The following STAU2 variants were observed in gnomAD, a reference collection of about 807,000 sequenced individuals.
STAU2 encodes the protein staufen double-stranded RNA binding protein 2, also known as double-stranded RNA-binding protein Staufen homolog 2.
A neutral mutation model predicts 65.9 loss-of-function variants in STAU2; 20 were observed. That is an observed-to-expected ratio of 0.30 (90% confidence interval 0.21 to 0.44). The LOEUF is 0.44. Among genes scored for constraint, STAU2 ranks in the 20% least tolerant of loss-of-function variants. STAU2 has a pLI of 1.00. For missense variants in STAU2, 558 were observed against 683.9 expected (o/e 0.82, Z 2.05); for synonymous variants, 232 against 233.9 (o/e 0.99, Z 0.07).
At chr8:73,645,981 T>C (rs1815344524) in intron 6 of STAU2, among the ~76,000 whole-genome samples, 1 of 152,152 alleles carries the variant, frequency 6.6e-6, no homozygotes, top group Non-Finnish European at 1.5e-5. Context: ...CAATTGAATA[T>C]GAGATTTGTG....
intron 13 of STAU2, among the ~76,000 whole-genome samples, chr8:73,480,580 A>G (rs753385980): frequency 1.3e-5 from 2 of 152,170 alleles, no homozygotes; most frequent in Non-Finnish European, 2.9e-5. Flanking sequence ...CCAAAAGTGG[A>G]CATGTCAAAT....
At chr8:73,528,888 C>A (rs1353875674) in intron 13 of STAU2, among the ~76,000 whole-genome samples, 2 of 151,968 alleles carry the variant, frequency 1.3e-5, no homozygotes, top group Non-Finnish European at 2.9e-5. Context: ...TTTATTTAAT[C>A]ATGTATAATA....
chr8:73,595,056 C>T, intron 11 of STAU2, 110 bp downstream of exon 11: 2 of 908,028 alleles, frequency 2.2e-6, no homozygotes, highest in South Asian at 2.3e-5. Context: ...TTTGTATTGC[C>T]TCAGAAAAGT....
At chr8:73,669,253 C>T in intron 6 of STAU2, 1 of 566,506 alleles carries the variant, frequency 1.8e-6, no homozygotes, top group Non-Finnish European at 3.1e-6. Flanking sequence ...ATTCTTTTTA[C>T]CTTTTTGTGA....
chr8:73,508,765 A>G (rs1289183244), intron 13 of STAU2, among the ~76,000 whole-genome samples: 1 of 152,158 alleles, frequency 6.6e-6, no homozygotes, highest in Admixed American at 6.5e-5. Flanking sequence ...TCTCATGTCT[A>G]TTTTTCATAT....
chr8:73,537,538 C>T (rs557702741), intron 13 of STAU2, among the ~76,000 whole-genome samples: 32 of 152,274 alleles, frequency 2.1e-4, no homozygotes, highest in African/African-American at 7.7e-4. Flanking sequence ...ACAGAAACCA[C>T]GGATGCCAGA....
chr8:73,430,705 T>C (rs1468208137), intron 13 of STAU2, among the ~76,000 whole-genome samples: 1 of 152,248 alleles, frequency 6.6e-6, no homozygotes, highest in East Asian at 1.9e-4. Context: ...AAAAATGTTT[T>C]ACTACATACC....
intron 6 of STAU2, among the ~76,000 whole-genome samples, chr8:73,641,370 C>CA (rs1323157309): frequency 7.0e-4 from 93 of 133,530 alleles, no homozygotes; most frequent in African/African-American, 1.3e-3. Flanking sequence ...CCTACCCTTG[C>CA]AAAAAAAAAA....
intron 3 of STAU2, among the ~76,000 whole-genome samples, chr8:73,737,120 G>A (rs1181045186): frequency 2.6e-5 from 4 of 151,812 alleles, no homozygotes; most frequent in Non-Finnish European, 4.4e-5. Flanking sequence ...ACCTGCCTTC[G>A]TCTCCCAAAG....
At chr8:73,545,953 A>AT (rs972965683) in intron 13 of STAU2, among the ~76,000 whole-genome samples, 1 of 148,792 alleles carries the variant, frequency 6.7e-6, no homozygotes, top group African/African-American at 2.5e-5. Context: ...GGCCCTATTG[A>AT]TTTTTTTGAA....
intron 13 of STAU2, among the ~76,000 whole-genome samples, chr8:73,489,626 T>G (rs1821068373): frequency 6.6e-6 from 1 of 152,074 alleles, no homozygotes; most frequent in Non-Finnish European, 1.5e-5. Flanking sequence ...AAAGCAATTG[T>G]CTACATGTAA....
Position 73,422,787 on chromosome 8 carries a change from C to CAGAAAGAT in STAU2, c.1531-86_1531-85insATCTTTCT, listed in dbSNP as rs1816480550. ...CTGAAAGAAAGCTGAGATAGAAAGA[C>CAGAAAGAT]TCATTTTCATTAGTCTACATAATTT... On this transcript the variant is annotated intron_variant, in intron 13 of 14. Transcript: ENST00000524300. The CAGAAAGAT allele has an allele frequency of 9.8e-6, 10 of 1,017,676 alleles. No homozygotes were observed. The Middle Eastern group carries it at 1.0e-3, about 103-fold the overall frequency. The allele number at this position is 1,017,676 out of a possible 1,614,324, so 63.0% of individuals were successfully genotyped here. A position where few individuals can be genotyped will look rare whatever the true frequency, so the allele number is the denominator to read the frequency against.
At chr8:73,593,962 A>T (rs924728203) in intron 11 of STAU2, among the ~76,000 whole-genome samples, 2 of 152,098 alleles carry the variant, frequency 1.3e-5, no homozygotes, top group Admixed American at 1.3e-4. Flanking sequence ...TATGCAAAAA[A>T]TGTTTTTCAA....
At chr8:73,551,592 G>A (rs1807336861) in intron 13 of STAU2, 1 of 989,108 alleles carries the variant, frequency 1.0e-6, no homozygotes, top group Non-Finnish European at 1.2e-6. Context: ...TGCTATAAAG[G>A]TAAAATCATC....
chr8:73,549,962 A>G (rs1177987604), intron 13 of STAU2: 1 of 985,736 alleles, frequency 1.0e-6, no homozygotes, highest in African/African-American at 1.7e-5. Context: ...GGTTACCTAT[A>G]AAGAAATAGG....
intron 13 of STAU2, among the ~76,000 whole-genome samples, chr8:73,458,260 C>T (rs1457305776): frequency 1.3e-5 from 2 of 152,198 alleles, no homozygotes; most frequent in African/African-American, 2.4e-5. Context: ...CCTCATTAGA[C>T]AATTCAGCTT....
intron 12 of STAU2, among the ~76,000 whole-genome samples, chr8:73,564,937 T>C (rs1304687868): frequency 6.6e-6 from 1 of 152,180 alleles, no homozygotes; most frequent in Non-Finnish European, 1.5e-5. Flanking sequence ...CACACGCGTG[T>C]GCACATGTGT....
At chr8:73,640,083 A>G (rs1814838409) in intron 6 of STAU2, among the ~76,000 whole-genome samples, 1 of 152,148 alleles carries the variant, frequency 6.6e-6, no homozygotes. Flanking sequence ...ATCAAAGTCA[A>G]CTTCAAATAT....
chr8:73,734,725 C>T (rs1348842126), intron 3 of STAU2, among the ~76,000 whole-genome samples: 1 of 151,626 alleles, frequency 6.6e-6, no homozygotes, highest in Non-Finnish European at 1.5e-5. Context: ...ATTCGGAAGG[C>T]GGAGGATGCA....
Sources: allele counts gnomAD v4.1 joint callset (sites outside exome capture counted in the v4.1 genomes callset), GRCh38; gene constraint gnomAD v4.1.1; transcripts MANE v1.5; gene names NCBI Gene and HGNC (gene_info 2026-07-23, HGNC 2026-07-21).